The following TRIM23 variants were observed in gnomAD, a reference collection of about 807,000 sequenced individuals.
TRIM23 encodes the protein tripartite motif containing 23, also known as E3 ubiquitin-protein ligase TRIM23.
A neutral mutation model predicts 71.0 loss-of-function variants in TRIM23; 27 were observed. The ratio of observed to expected loss-of-function variants is 0.38; its 90% CI spans 0.28 to 0.52. The LOEUF (loss-of-function observed/expected upper bound fraction) is 0.52, where lower values mean the gene tolerates loss of function less well. TRIM23 is among the 20% of genes least tolerant of loss of function. The pLI is 0.84. For synonymous variants in TRIM23, 234 were observed against 238.0 expected, an observed-to-expected ratio of 0.98 and a Z score of 0.16; for missense variants, 482 against 692.3, an observed-to-expected ratio of 0.70 and a Z score of 3.41.
chr5:65,590,122 C>T lies in TRIM23; in HGVS notation c.*1647G>A, dbSNP rs1753978250. The T allele has an allele frequency of 2.0e-5, 9 of 458,040 alleles. No individual in the cohort carries two copies. The highest frequency in any genetic ancestry group is 7.7e-5 in the Admixed American group (2 of 25,966). The allele number at this position is 458,040 out of a possible 1,614,324, so 28.4% of individuals were successfully genotyped here. ...TTAGCAAAATTAGTGAAAAGGGAAGCAAGTTCACCTTAGTGTTACACTTTT... is the reference window on the plus strand; with the variant it reads ...TTAGCAAAATTAGTGAAAAGGGAAGTAAGTTCACCTTAGTGTTACACTTTT... On this transcript the variant is annotated 3_prime_UTR_variant, in exon 11 of 11. Coordinates refer to ENST00000231524, the MANE Select transcript of TRIM23 (RefSeq NM_001656.4).
chr5:65,624,162 T>G (rs1180969031), intron 1 of TRIM23, 32 bp downstream of exon 1: 1 of 1,613,594 alleles, frequency 6.2e-7, no homozygotes, highest in Non-Finnish European at 8.5e-7. Context: ...GGGAGGCCGA[T>G]GGTGGAGAAT....
At chr5:65,593,997 G>C (rs936432220) in intron 10 of TRIM23, among the ~76,000 whole-genome samples, 17 of 152,132 alleles carry the variant, frequency 1.1e-4, no homozygotes, top group Non-Finnish European at 5.9e-5. Context: ...TCTCAGTCTA[G>C]CACTGTCAGA....
intron 9 of TRIM23, 92 bp downstream of exon 9, chr5:65,596,329 A>T: frequency 1.1e-6 from 1 of 874,828 alleles, no homozygotes; most frequent in Non-Finnish European, 1.9e-6. Context: ...TCAACGACTT[A>T]ATCATAAGTA....
chr5:65,622,856 A>G (rs1463775944), intron 1 of TRIM23, among the ~76,000 whole-genome samples: 1 of 152,248 alleles, frequency 6.6e-6, no homozygotes, highest in Non-Finnish European at 1.5e-5. Flanking sequence ...CAAACAGGGT[A>G]ACAAAAAAAT....
At chr5:65,617,567 G>A (rs1234017601) in intron 2 of TRIM23, among the ~76,000 whole-genome samples, 4 of 151,924 alleles carry the variant, frequency 2.6e-5, no homozygotes, top group African/African-American at 9.7e-5. Flanking sequence ...GTAAAGAAAA[G>A]TTTTAAAAGT....
chr5:65,618,367 C>T, intron 1 of TRIM23, 112 bp from the exon 2 acceptor site: 1 of 1,173,320 alleles, frequency 8.5e-7, no homozygotes. Flanking sequence ...TACTTTATTC[C>T]TCTATGAAAA....
chr5:65,614,213 G>A lies in TRIM23; in HGVS notation c.251C>T (p.Ser84Leu), dbSNP rs199909564. 6.2e-7 allele frequency: 1 copy of A among 1,612,282 alleles called. No homozygotes were observed. Among genetic ancestry groups the A allele is most frequent in the East Asian group, 2.2e-5 (1 of 44,812 alleles). The change falls in exon 3 of 11, where the codon TCA becomes TTA. Residue 84 changes from serine (S) to leucine (L), a missense_variant. By Grantham distance (145) the Ser-to-Leu change is moderately radical. Coordinates refer to ENST00000231524, the MANE Select transcript of TRIM23 (RefSeq NM_001656.4). ...FDRQVTDLGD[S>L]GVWGLKKNFA... ...ATTTTTTTTCAATCCCCAGACACCT[G>A]AATCACCTAGAATAAATATAAAAAC...
chr5:65,615,534 AAAAAAGCCATTCTGTGTTGTGGTTCTCCC>A (rs1423724887), intron 2 of TRIM23, among the ~76,000 whole-genome samples: 1 of 151,896 alleles, frequency 6.6e-6, no homozygotes, highest in Non-Finnish European at 1.5e-5. Context: ...TCTTAAAAAA[AAAAAAGCCATTCTGTGTTGTGGTTCTCCC>A]AAAAAAACTG....
At position 65,591,313 on chromosome 5, in the gene TRIM23, CT is replaced by C; in HGVS notation, c.*455del. 7.1e-7 allele frequency: 1 copy of C among 1,404,150 alleles called. No individual in the cohort carries two copies. Among genetic ancestry groups the C allele is most frequent in the African/African-American group, 1.5e-5 (1 of 65,574 alleles). 87.0% of individuals were successfully genotyped at this position (1,404,150 alleles called of 1,614,324 possible). On this transcript the variant is annotated 3_prime_UTR_variant, in exon 11 of 11. Transcript: ENST00000231524. ...TTTCATTAAGCAACTGTCATTTCTA[CT>C]ACTAAATGCTGCCAACATTCAGTGA...
intron 7 of TRIM23, among the ~76,000 whole-genome samples, chr5:65,599,538 C>T (rs993450356): frequency 5.3e-5 from 8 of 152,124 alleles, no homozygotes; most frequent in African/African-American, 1.7e-4. Flanking sequence ...AGGCGTACAC[C>T]TAACCAAGAT....
Position 65,594,552 on chromosome 5 carries a change from T to C in TRIM23, c.1514A>G (p.Asp505Gly). The C allele has an allele frequency of 6.2e-7, 1 of 1,612,712 alleles. No homozygotes were observed. Among genetic ancestry groups the C allele is most frequent in the Non-Finnish European group, 8.5e-7 (1 of 1,179,564 alleles). ...GTTAGCAAAAATCAGGAGCAGAGCA[T>C]CTCGGAGTTCTTTTTCCGTTAACAA... is the stretch of plus-strand genomic sequence containing the variant. The part of the protein sequence containing the change: ...AKLLTEKELR[D>G]ALLLIFANKQ... The change falls in exon 10 of 11, where the codon GAT becomes GGT. Residue 505 changes from aspartate to glycine, a missense_variant. Asp to Gly is a moderately conservative substitution (Grantham distance 94). Transcript: ENST00000231524.
chr5:65,603,405 T>C (rs1221430952), intron 7 of TRIM23, among the ~76,000 whole-genome samples: 1 of 152,216 alleles, frequency 6.6e-6, no homozygotes, highest in Non-Finnish European at 1.5e-5. Context: ...CAGAGTGATG[T>C]TTAGGATGTA....
intron 6 of TRIM23, 52 bp from the exon 7 acceptor site, chr5:65,605,097 A>G (rs1385082329): frequency 2.0e-6 from 3 of 1,497,406 alleles, no homozygotes; most frequent in Non-Finnish European, 2.7e-6. Context: ...GAAATAAGGA[A>G]AAGAGACTTA....
chr5:65,594,892 C>G (rs1230407247), intron 9 of TRIM23, among the ~76,000 whole-genome samples: 1 of 152,174 alleles, frequency 6.6e-6, no homozygotes, highest in Non-Finnish European at 1.5e-5. Flanking sequence ...CTTGCTCTAT[C>G]AAATGCAAAT....
At chr5:65,593,373 T>G (rs1175922551) in intron 10 of TRIM23, among the ~76,000 whole-genome samples, 1 of 152,204 alleles carries the variant, frequency 6.6e-6, no homozygotes, top group Admixed American at 6.5e-5. Flanking sequence ...AGGGGGAGGT[T>G]GCAGTGAGCA....
intron 1 of TRIM23, among the ~76,000 whole-genome samples, chr5:65,622,317 C>A (rs931235900): frequency 1.3e-5 from 2 of 152,108 alleles, no homozygotes; most frequent in African/African-American, 2.4e-5. Flanking sequence ...CAGGCCCACA[C>A]CACAATGCCT....
intron 3 of TRIM23, among the ~76,000 whole-genome samples, chr5:65,612,639 G>A (rs1439989343): frequency 1.3e-5 from 2 of 151,902 alleles, no homozygotes; most frequent in Non-Finnish European, 2.9e-5. Context: ...GCCAACATGG[G>A]GAAAGTCCAT....
At chr5:65,618,295 T>A in intron 1 of TRIM23, 40 bp from the exon 2 acceptor site, 1 of 1,563,130 alleles carries the variant, frequency 6.4e-7, no homozygotes, top group South Asian at 1.2e-5. Context: ...TTAAACAATT[T>A]TAAAAGCATA....
In TRIM23 at chr5:65,595,423, T is replaced by C. The variant is rs551720203; in HGVS notation, c.1421-778A>G. ...ATACAAAAAAATTAGCCAGGCATGG[T>C]GGTGGGCACCTGTAGTCCCAGCTAC... is the stretch of plus-strand genomic sequence containing the variant. On this transcript the variant is annotated intron_variant, in intron 9 of 10. Coordinates refer to ENST00000231524, the MANE Select transcript of TRIM23 (RefSeq NM_001656.4). 4.7e-4 allele frequency among the ~76,000 whole-genome samples: 71 copies of C among 151,984 alleles called. No individual in the cohort carries two copies. The East Asian group carries it at 0.011, about 23-fold the overall frequency.
Sources: gnomAD v4.1 joint callset for allele counts (sites outside exome capture counted in the v4.1 genomes callset) on GRCh38, gnomAD v4.1.1 for gene constraint, MANE v1.5 for transcripts, NCBI Gene and HGNC (gene_info 2026-07-23, HGNC 2026-07-21) for gene names.